The following RAD51B variants were observed in gnomAD, a reference collection of about 807,000 sequenced individuals.
RAD51B encodes RAD51 paralog B, also known as DNA repair protein RAD51 homolog 2.
In RAD51B, 38 loss-of-function variants were observed where a neutral mutation model predicts 42.2. The ratio of observed to expected loss-of-function variants is 0.90; its 90% CI spans 0.70 to 1.18. RAD51B has a LOEUF of 1.18. Among genes scored for constraint, RAD51B ranks in the 50% most tolerant of loss-of-function variants. RAD51B has a pLI of 0.00. For synonymous variants in RAD51B, 154 were observed against 145.2 expected (o/e 1.06, Z -0.43); for missense variants, 373 against 400.7 (o/e 0.93, Z 0.59).
chr14:68,507,044 C>T (rs979859895), intron 10 of RAD51B, among the ~76,000 whole-genome samples: 1 of 150,510 alleles, frequency 6.6e-6, no homozygotes, highest in East Asian at 2.0e-4. Flanking sequence ...TCTAGGTCTC[C>T]GGGGTGAGTT....
chr14:68,504,582 G>A (rs552340287), intron 10 of RAD51B, among the ~76,000 whole-genome samples: 1 of 151,654 alleles, frequency 6.6e-6, no homozygotes. Context: ...TGGACTCTGC[G>A]ACTGGGATGT....
At chr14:68,296,300 A>G (rs776304244) in intron 8 of RAD51B, among the ~76,000 whole-genome samples, 2 of 152,166 alleles carry the variant, frequency 1.3e-5, no homozygotes, top group Non-Finnish European at 2.9e-5. Context: ...ACATTGTTCT[A>G]GACTAGGTAC....
intron 11 of RAD51B, among the ~76,000 whole-genome samples, chr14:68,656,692 G>T (rs981937110): frequency 6.6e-6 from 1 of 152,150 alleles, no homozygotes; most frequent in African/African-American, 2.4e-5. Flanking sequence ...TGCCTGGGCG[G>T]GTGACTGAGT....
At chr14:67,872,496 G>T (rs1173281739) in intron 5 of RAD51B, among the ~76,000 whole-genome samples, 1 of 147,114 alleles carries the variant, frequency 6.8e-6, no homozygotes, top group East Asian at 2.0e-4. Flanking sequence ...TCAATATCGT[G>T]AAAATGGCCA....
chr14:68,275,889 G>A (rs1379330297), intron 7 of RAD51B, among the ~76,000 whole-genome samples: 4 of 150,734 alleles, frequency 2.7e-5, no homozygotes, highest in Non-Finnish European at 4.4e-5. Flanking sequence ...TGTCCTTACT[G>A]CAAGAACCTG....
rs112892765 is a variant in RAD51B at position 68,252,966 on chromosome 14, T to A, written c.757-38918T>A. On this transcript the variant is annotated intron_variant, in intron 7 of 10. Coordinates refer to ENST00000471583, the MANE Select transcript of RAD51B (RefSeq NM_133510.4). ...GGCATGGTGGTGTGTGCCTGTAATC[T>A]CAGCTGCTCAGGAGGCTAAGGCAGG... Among the ~76,000 whole-genome samples, 1,396 of 151,838 alleles carry A rather than the reference T, an allele frequency of 9.2e-3. 25 individuals carry two copies. Among genetic ancestry groups the A allele is most frequent in the African/African-American group, 0.032 (1,321 of 41,388 alleles).
intron 7 of RAD51B, among the ~76,000 whole-genome samples, chr14:68,035,827 C>T (rs2076112778): frequency 6.6e-6 from 1 of 152,124 alleles, no homozygotes; most frequent in African/African-American, 2.4e-5. Flanking sequence ...AATCAAGCAC[C>T]TGAGTTTTCC....
chr14:68,005,649 A>G (rs182996971), intron 7 of RAD51B, among the ~76,000 whole-genome samples: 217 of 152,312 alleles, frequency 1.4e-3, no homozygotes, highest in Admixed American at 2.6e-3. Context: ...AACATGTAGT[A>G]TGCTGTTAAC....
At chr14:68,598,409 A>G (rs1286801746), downstream of RAD51B, among the ~76,000 whole-genome samples, 3 of 152,252 alleles carry the variant, frequency 2.0e-5, no homozygotes, top group African/African-American at 7.2e-5. Flanking sequence ...GAAAAGGAGA[A>G]ATCACAGTAT....
At chr14:68,256,821 G>A (rs948125565) in intron 7 of RAD51B, among the ~76,000 whole-genome samples, 1 of 152,054 alleles carries the variant, frequency 6.6e-6, no homozygotes, top group Non-Finnish European at 1.5e-5. Flanking sequence ...CACAGGAAGC[G>A]ATTGAATAGA....
At position 68,469,009 on chromosome 14, in the gene RAD51B, A is replaced by G. The variant is rs370657711; in HGVS notation, c.1036+759A>G. ...AGCACTGTTAGAAGAGTCAGCCCAC[A>G]ATGTCAGATGTACAAAACTGCTTTG... is the stretch of plus-strand genomic sequence containing the variant. On this transcript the variant is annotated intron_variant, in intron 10 of 10. Transcript: ENST00000471583. The G allele has an allele frequency of 7.3e-5, 30 of 413,318 alleles. No individual in the cohort carries two copies. In the East Asian group the frequency reaches 1.8e-3, roughly 24 times the overall value. 25.6% of individuals were successfully genotyped at this position (413,318 alleles called of 1,614,324 possible).
At chr14:67,966,456 A>T (rs567789114) in intron 7 of RAD51B, among the ~76,000 whole-genome samples, 1 of 152,200 alleles carries the variant, frequency 6.6e-6, no homozygotes, top group Admixed American at 6.5e-5. Flanking sequence ...AGTTCTTACT[A>T]TATAAGTATT....
chr14:68,491,303 A>G (rs1029023010), intron 10 of RAD51B, among the ~76,000 whole-genome samples: 1 of 152,214 alleles, frequency 6.6e-6, no homozygotes, highest in Admixed American at 6.5e-5. Flanking sequence ...GGTGCAACGC[A>G]TCATGTTCGT....
chr14:68,382,924 C>G (rs2083511399), intron 8 of RAD51B, among the ~76,000 whole-genome samples: 1 of 152,094 alleles, frequency 6.6e-6, no homozygotes, highest in African/African-American at 2.4e-5. Context: ...GGGTGCAGCC[C>G]CCTTTAGACT....
intron 10 of RAD51B, among the ~76,000 whole-genome samples, chr14:68,474,700 C>A (rs1882407811): frequency 6.6e-6 from 1 of 152,198 alleles, no homozygotes; most frequent in Non-Finnish European, 1.5e-5. Flanking sequence ...ACCTCTCAGG[C>A]TTCATGAGCC....
intron 7 of RAD51B, among the ~76,000 whole-genome samples, chr14:67,906,214 T>C (rs2043777469): frequency 1.3e-5 from 2 of 152,164 alleles, no homozygotes; most frequent in African/African-American, 4.8e-5. Context: ...ATTTGCATGT[T>C]GAGCCAACCT....
intron 7 of RAD51B, among the ~76,000 whole-genome samples, chr14:68,048,592 T>G (rs1451328329): frequency 6.6e-6 from 1 of 152,220 alleles, no homozygotes; most frequent in Non-Finnish European, 1.5e-5. Flanking sequence ...ATTTAAGTCT[T>G]TAATCCATCT....
chr14:68,491,238 TTCC>T lies in RAD51B; in HGVS notation c.1036+22996_1036+22998del, dbSNP rs1216545002. 2.0e-5 allele frequency among the ~76,000 whole-genome samples: 3 copies of T among 152,282 alleles called. No individual in the cohort carries two copies. In the East Asian group the frequency reaches 5.8e-4, roughly 29 times the overall value. On this transcript the variant is annotated intron_variant, in intron 10 of 10. Transcript: ENST00000487270. ...TCCAACCCCAGGCCCGCAGCCGCCCTTCCTCCTCCTTTCTGTTGTGATTGACTC... is the reference window on the plus strand; with the variant it reads ...TCCAACCCCAGGCCCGCAGCCGCCCTTCCTCCTTTCTGTTGTGATTGACTC...
chr14:68,433,621 C>T (rs185981975), intron 9 of RAD51B, among the ~76,000 whole-genome samples: 50 of 152,298 alleles, frequency 3.3e-4, no homozygotes, highest in African/African-American at 1.0e-3. Flanking sequence ...GACTTCTCTA[C>T]ACTGGTTATT....
Sources: gnomAD v4.1 joint callset for allele counts (sites outside exome capture counted in the v4.1 genomes callset) on GRCh38, gnomAD v4.1.1 for gene constraint, MANE v1.5 for transcripts, NCBI Gene and HGNC (gene_info 2026-07-23, HGNC 2026-07-21) for gene names.